The following MCOLN1 variants were observed in gnomAD, a reference collection of about 807,000 sequenced individuals.
MCOLN1 encodes mucolipin TRP cation channel 1, also known as mucolipin-1.
A neutral mutation model predicts 70.3 loss-of-function variants in MCOLN1; 50 were observed. The ratio of observed to expected loss-of-function variants is 0.71; its 90% CI spans 0.57 to 0.90. The LOEUF is 0.90. Ranked by LOEUF, MCOLN1 falls within the 40% of genes least tolerant of loss-of-function variation. MCOLN1 has a pLI of 0.00. For synonymous variants in MCOLN1, 366 were observed against 341.0 expected (o/e 1.07, Z -0.81); for missense variants, 598 against 803.5 (o/e 0.74, Z 3.09).
rs1312239213 is a variant in MCOLN1, at chr19:7,528,477, CCA to C, written c.878-118_878-117del. 14 of 1,333,332 alleles carry C rather than the reference CCA, an allele frequency of 1.0e-5. No homozygotes were observed. Among genetic ancestry groups the C allele is most frequent in the Non-Finnish European group, 1.5e-5 (14 of 955,918 alleles). 82.6% of individuals were successfully genotyped at this position (1,333,332 alleles called of 1,614,324 possible). Reference sequence around the variant, plus strand: ...GACTCACCCCAAGCAAGCCCTGAGCCCACTGACCAACCAAAACCAGCCGTGCA... The same window carrying C: ...GACTCACCCCAAGCAAGCCCTGAGCCCTGACCAACCAAAACCAGCCGTGCA... On this transcript the variant is annotated intron_variant, in intron 7 of 13. Transcript: ENST00000264079. This position sits in a 1 kb window ranked among gnomAD's most constrained non-coding sequence, Gnocchi z 4.2.
At position 7,526,004 on chromosome 19, in the gene MCOLN1, G is replaced by A; in HGVS notation, c.238-435G>A. 1 of 248,070 alleles carries A rather than the reference G, an allele frequency of 4.0e-6. No homozygotes were observed. The highest frequency in any genetic ancestry group is 5.0e-5 in the South Asian group (1 of 20,196). The allele number at this position is 248,070 out of a possible 1,614,324, so 15.4% of individuals were successfully genotyped here. On this transcript the variant is annotated intron_variant, in intron 2 of 13. Coordinates refer to ENST00000264079, the MANE Select transcript of MCOLN1 (RefSeq NM_020533.3). The surrounding 1 kb of genome is among the most constrained non-coding windows in gnomAD (Gnocchi z 4.6). ...TTGAACCCAGGGGGTGGAGGTTGTA[G>A]TGAGCTGAGATCATACCATGGCACT...
At position 7,525,326 on chromosome 19, in the gene MCOLN1, T is replaced by C; in HGVS notation, c.237+160T>C. The C allele has an allele frequency of 1.5e-6, 1 of 687,536 alleles. No homozygotes were observed. The highest frequency in any genetic ancestry group is 2.6e-6 in the Non-Finnish European group (1 of 389,556). 42.6% of individuals were successfully genotyped at this position (687,536 alleles called of 1,614,324 possible). ...GGCCAGCATGGTGAAACCCCATCTC[T>C]ACTAAAAATACAAAAAAATTAGCCG... On this transcript the variant is annotated intron_variant, in intron 2 of 13. Coordinates refer to ENST00000264079, the MANE Select transcript of MCOLN1 (RefSeq NM_020533.3). The surrounding 1 kb of genome is among the most constrained non-coding windows in gnomAD (Gnocchi z 4.2).
chr19:7,531,587 G>A lies in MCOLN1; in HGVS notation c.1575+1086G>A, dbSNP rs572852698. 4.0e-3 allele frequency among the ~76,000 whole-genome samples: 604 copies of A among 152,202 alleles called. 2 individuals are homozygous for A. The highest frequency in any genetic ancestry group is 4.9e-3 in the Non-Finnish European group (334 of 68,008). On this transcript the variant is annotated intron_variant, in intron 12 of 13. Coordinates refer to ENST00000264079, the MANE Select transcript of MCOLN1 (RefSeq NM_020533.3). The stretch of plus-strand genomic sequence containing the variant: ...CCTCAGCTGGCCCCATTCCTATGGC[G>A]GACCTCTAAAAACCCAACCCTGACC...
Position 7,529,683 on chromosome 19 carries a change from T to A in MCOLN1, c.1330T>A (p.Trp444Arg). 1 of 1,614,190 alleles carries A rather than the reference T, an allele frequency of 6.2e-7. No individual in the cohort carries two copies. Among genetic ancestry groups the A allele is most frequent in the Middle Eastern group, 1.6e-4 (1 of 6,062 alleles). ...VIYLGYCFCGWIVLGPYHVKF... is the reference protein window; with the variant it reads ...VIYLGYCFCGRIVLGPYHVKF... ...CTACCTGGGCTACTGCTTCTGTGGC[T>A]GGATCGTGCTGGGGCCCTATCATGT... The change falls in exon 11 of 14, where the codon TGG (tryptophan) becomes AGG (arginine). Residue 444 changes from tryptophan (W) to arginine (R), a missense_variant. Physicochemically the swap from Trp to Arg is moderately radical, Grantham distance 101. Transcript: ENST00000264079.
At chr19:7,530,524 T>G (rs1306482178) in intron 12 of MCOLN1, 23 bp downstream of exon 12, 1 of 1,599,294 alleles carries the variant, frequency 6.3e-7, no homozygotes, top group Admixed American at 1.7e-5. Flanking sequence ...CACCCAGCCC[T>G]GAGCTCGGGC....
Position 7,528,294 on chromosome 19 carries a change from G to A in MCOLN1, c.877+37G>A. ...AGCCCCAGACCAGCACTGACCAGGGGCCCTGGCCTGTCCTGGGATTCCCCA... is the reference window on the plus strand; with the variant it reads ...AGCCCCAGACCAGCACTGACCAGGGACCCTGGCCTGTCCTGGGATTCCCCA... On this transcript the variant is annotated intron_variant, in intron 7 of 13. Transcript: ENST00000264079. This position sits in a 1 kb window ranked among gnomAD's most constrained non-coding sequence, Gnocchi z 4.2. The A allele has an allele frequency of 1.3e-6, 2 of 1,574,616 alleles. No individual in the cohort carries two copies. Among genetic ancestry groups the A allele is most frequent in the East Asian group, 2.2e-5 (1 of 44,638 alleles).
intron 12 of MCOLN1, among the ~76,000 whole-genome samples, chr19:7,532,190 A>C (rs1276833165): frequency 6.6e-6 from 1 of 152,220 alleles, no homozygotes; most frequent in Non-Finnish European, 1.5e-5. Flanking sequence ...GGTTCTGGGC[A>C]TGGAGGAAAA....
In MCOLN1 at chr19:7,526,500, C is replaced by A. The variant is rs777799554; in HGVS notation, c.299C>A (p.Ala100Asp). Residue 100 changes from alanine (A) to aspartate (D), a missense_variant, in exon 3 of 14, where the codon GCC (alanine) becomes GAC (aspartate). This residue lies in a region of MCOLN1 where 461 missense variants were observed against 588.4 expected (regional missense o/e 0.78). Coordinates refer to ENST00000264079, the MANE Select transcript of MCOLN1 (RefSeq NM_020533.3). The surrounding 1 kb of genome is among the most constrained non-coding windows in gnomAD (Gnocchi z 4.6). ...ACATTCCGGGAAGAGAACACCATCG[C>A]CTTCCGACACCTCTTCCTGCTGGGC... ...AVTFREENTI[A>D]FRHLFLLGYS... 1.2e-6 allele frequency: 2 copies of A among 1,614,128 alleles called. No individual in the cohort carries two copies. Among genetic ancestry groups the A allele is most frequent in the Non-Finnish European group, 1.7e-6 (2 of 1,180,044 alleles).
Position 7,525,418 on chromosome 19 carries a change from G to C in MCOLN1, c.237+252G>C. 2.3e-6 allele frequency: 1 copy of C among 443,352 alleles called. No individual in the cohort carries two copies. The highest frequency in any genetic ancestry group is 4.2e-6 in the Non-Finnish European group (1 of 236,758). 27.5% of individuals were successfully genotyped at this position (443,352 alleles called of 1,614,324 possible). A position where few individuals can be genotyped will look rare whatever the true frequency, so the allele number is the denominator to read the frequency against. Reference sequence around the variant, plus strand: ...CTGAGGCAGGAGAATCGCTTGAATTGGGAGGCGGAGGTTGCCGTGAGCTGA... The same window carrying C: ...CTGAGGCAGGAGAATCGCTTGAATTCGGAGGCGGAGGTTGCCGTGAGCTGA... On this transcript the variant is annotated intron_variant, in intron 2 of 13. Transcript: ENST00000264079. The surrounding 1 kb of genome is among the most constrained non-coding windows in gnomAD (Gnocchi z 4.2).
Position 7,525,464 on chromosome 19 carries a change from G to T in MCOLN1, c.237+298G>T. On this transcript the variant is annotated intron_variant, in intron 2 of 13. Coordinates refer to ENST00000264079, the MANE Select transcript of MCOLN1 (RefSeq NM_020533.3). This position sits in a 1 kb window ranked among gnomAD's most constrained non-coding sequence, Gnocchi z 4.2. ...GCTGAAATCATGCCACTGCACTCCA[G>T]CCTGGGCAACAGAGCAAGACTGTCT... 2.6e-6 allele frequency: 1 copy of T among 378,386 alleles called. No individual in the cohort carries two copies. The highest frequency in any genetic ancestry group is 5.1e-6 in the Non-Finnish European group (1 of 196,534). The allele number at this position is 378,386 out of a possible 1,614,324, so 23.4% of individuals were successfully genotyped here. A position where few individuals can be genotyped will look rare whatever the true frequency, so the allele number is the denominator to read the frequency against.
At position 7,524,263 on chromosome 19, in the gene MCOLN1, T is replaced by A. The variant is rs545295032; in HGVS notation, c.32-698T>A. Among the ~76,000 whole-genome samples, 1 of 152,290 alleles carries A rather than the reference T, an allele frequency of 6.6e-6. No homozygotes were observed. Among genetic ancestry groups the A allele is most frequent in the East Asian group, 1.9e-4 (1 of 5,182 alleles). ...TCTGGGATTTGATGCTAGGGCTGCA[T>A]GATTTCTAGGAGCTGGTGCTTTTCA... On this transcript the variant is annotated intron_variant, in intron 1 of 13. Coordinates refer to ENST00000264079, the MANE Select transcript of MCOLN1 (RefSeq NM_020533.3). This position sits in a 1 kb window ranked among gnomAD's most constrained non-coding sequence, Gnocchi z 4.1.
chr19:7,527,582 T>G lies in MCOLN1; in HGVS notation c.634T>G (p.Leu212Val), dbSNP rs1013632440. The G allele has an allele frequency of 6.2e-7, 1 of 1,613,078 alleles. No individual in the cohort carries two copies. Among genetic ancestry groups the G allele is most frequent in the African/African-American group, 1.3e-5 (1 of 74,898 alleles). ...GCCCCCCAGCGACGATCTCACCCTC[T>G]TGGAAAGCAGCTCCAGTTACAAGAA... ...PPPPSDDLTL[L>V]ESSSSYKNLT... Residue 212 changes from leucine (L) to valine (V), a missense_variant, in exon 5 of 14, where the codon TTG becomes GTG. By Grantham distance (32) the Leu-to-Val change is conservative. This residue lies in a region of MCOLN1 where 461 missense variants were observed against 588.4 expected (regional missense o/e 0.78). Coordinates refer to ENST00000264079, the MANE Select transcript of MCOLN1 (RefSeq NM_020533.3).
chr19:7,526,799 G>GT lies in MCOLN1; in HGVS notation c.445dup (p.Tyr149LeufsTer7), dbSNP rs1568398702. On this transcript the variant is annotated frameshift_variant, in exon 4 of 14. Transcript: ENST00000264079. LOFTEE classifies it high-confidence loss of function. The surrounding 1 kb of genome is among the most constrained non-coding windows in gnomAD (Gnocchi z 4.6). Reference sequence around the variant, plus strand: ...CTGACGTGTCACTGGGCCGGTATGCGTATGTCCGTGGTGGGGGTGACCCTT... The same window carrying GT: ...CTGACGTGTCACTGGGCCGGTATGCGTTATGTCCGTGGTGGGGGTGACCCTT... The GT allele has an allele frequency of 2.5e-6, 4 of 1,614,064 alleles. No individual in the cohort carries two copies. Among genetic ancestry groups the GT allele is most frequent in the Admixed American group, 1.7e-5 (1 of 59,992 alleles).
intron 12 of MCOLN1, among the ~76,000 whole-genome samples, chr19:7,531,473 T>C (rs2022652453): frequency 1.3e-5 from 2 of 151,988 alleles, no homozygotes; most frequent in African/African-American, 4.8e-5. Context: ...GGTGCTGGGA[T>C]TTCAGGCATG....
chr19:7,530,057 G>C (rs1160117438), intron 11 of MCOLN1, among the ~76,000 whole-genome samples: 2 of 150,588 alleles, frequency 1.3e-5, no homozygotes, highest in African/African-American at 4.9e-5. Flanking sequence ...TGGGACCCCA[G>C]CCTGGGTCCC....
Position 7,530,438 on chromosome 19 carries a change from C to A in MCOLN1, c.1512C>A (p.Leu504=). 1 of 1,613,418 alleles carries A rather than the reference C, an allele frequency of 6.2e-7. No individual in the cohort carries two copies. Among genetic ancestry groups the A allele is most frequent in the East Asian group, 2.2e-5 (1 of 44,884 alleles). Residue 504 remains leucine, a synonymous_variant, in exon 12 of 14, where the codon CTC becomes CTA. Coordinates refer to ENST00000264079, the MANE Select transcript of MCOLN1 (RefSeq NM_020533.3). Reference sequence around the variant, plus strand: ...TCTACCTTTACTCCTTCATCAGCCTCTTCATCTACATGGTGCTCAGCCTCT... The same window carrying A: ...TCTACCTTTACTCCTTCATCAGCCTATTCATCTACATGGTGCTCAGCCTCT... ...SQLYLYSFIS[L]FIYMVLSLFI...
In MCOLN1 at chr19:7,526,645, G is replaced by A; in HGVS notation, c.405+39G>A. 6.2e-7 allele frequency: 1 copy of A among 1,600,698 alleles called. No individual in the cohort carries two copies. The highest frequency in any genetic ancestry group is 8.5e-7 in the Non-Finnish European group (1 of 1,178,910). On this transcript the variant is annotated intron_variant, in intron 3 of 13. Transcript: ENST00000264079. The surrounding 1 kb of genome is among the most constrained non-coding windows in gnomAD (Gnocchi z 4.6). ...GGCAGGTGCTGGTGGGCAGGCAGGTGCAGGTGGGCGGGCAGGTGCAGTTGG... is the reference window on the plus strand; with the variant it reads ...GGCAGGTGCTGGTGGGCAGGCAGGTACAGGTGGGCGGGCAGGTGCAGTTGG...
At position 7,526,772 on chromosome 19, in the gene MCOLN1, G is replaced by A. The variant is rs1241907363; in HGVS notation, c.417G>A (p.Leu139=). ...IFHAVDQYLA[L]PDVSLGRYAY... ...TTCTCTGCCCACAGTACCTGGCGTT[G>A]CCTGACGTGTCACTGGGCCGGTATG... The change falls in exon 4 of 14, where the codon TTG becomes TTA. Residue 139 remains leucine (L), a synonymous_variant. Coordinates refer to ENST00000264079, the MANE Select transcript of MCOLN1 (RefSeq NM_020533.3). The surrounding 1 kb of genome is among the most constrained non-coding windows in gnomAD (Gnocchi z 4.6). The A allele has an allele frequency of 6.2e-7, 1 of 1,613,940 alleles. No individual in the cohort carries two copies. Among genetic ancestry groups the A allele is most frequent in the African/African-American group, 1.3e-5 (1 of 74,932 alleles).
intron 11 of MCOLN1, 146 bp downstream of exon 11, chr19:7,529,858 T>C: frequency 2.0e-6 from 2 of 1,014,582 alleles, no homozygotes; most frequent in East Asian, 4.8e-5. Flanking sequence ...CCCTGTGCCA[T>C]TATTGTTGTC....
Sources: allele counts gnomAD v4.1 joint callset (sites outside exome capture counted in the v4.1 genomes callset), GRCh38; gene constraint gnomAD v4.1.1; regional missense constraint gnomAD v4.1.1; non-coding constraint Gnocchi (gnomAD v3.1); transcripts MANE v1.5; gene names NCBI Gene and HGNC (gene_info 2026-07-23, HGNC 2026-07-21).